Variants in PLCE1 observed in about 807,000 individuals in gnomAD.
PLCE1 encodes the protein phospholipase C epsilon 1, also known as 1-phosphatidylinositol 4,5-bisphosphate phosphodiesterase epsilon-1.
In PLCE1, 119 loss-of-function variants were observed where a neutral mutation model predicts 242.8. The observed-to-expected ratio is 0.49, with a 90% CI of 0.42 to 0.57. The LOEUF (loss-of-function observed/expected upper bound fraction) is 0.57. Ranked by LOEUF, PLCE1 falls within the 20% of genes least tolerant of loss-of-function variation. The pLI is 0.00. For missense variants in PLCE1, 2,441 were observed against 2,788.8 expected, an observed-to-expected ratio of 0.88 and a Z score of 2.81; for synonymous variants, 945 against 1,017.4, an observed-to-expected ratio of 0.93 and a Z score of 1.35.
rs535093329 is a variant in PLCE1 at position 94,306,965 on chromosome 10, C to T, written c.5884+277C>T. On this transcript the variant is annotated intron_variant, in intron 26 of 32. Transcript: ENST00000371380. The surrounding 1 kb of genome is among the most constrained non-coding windows in gnomAD (Gnocchi z 5.7). ...CAGGAGCAGTGGTTGTTGCTACCCACGGCACTGCTGGCAGTTTGAAAGCAG... is the reference window on the plus strand; with the variant it reads ...CAGGAGCAGTGGTTGTTGCTACCCATGGCACTGCTGGCAGTTTGAAAGCAG... 3.8e-4 allele frequency among the ~76,000 whole-genome samples: 58 copies of T among 152,288 alleles called. No homozygotes were observed. The highest frequency in any genetic ancestry group is 1.3e-3 in the African/African-American group (54 of 41,570).
In PLCE1 at chr10:94,306,356, A is replaced by G. The variant is rs185979763; in HGVS notation, c.5623-71A>G. 1.1e-3 allele frequency: 1,822 copies of G among 1,612,826 alleles called. 3 individuals are homozygous for G. Among genetic ancestry groups the G allele is most frequent in the Non-Finnish European group, 1.4e-3 (1,630 of 1,179,086 alleles). The stretch of plus-strand genomic sequence containing the variant: ...TTGGGATTCCTTTGCAGAGGGAAGC[A>G]GTGAGGTGCAGAGGTTGTCTTTCTT... On this transcript the variant is annotated intron_variant, in intron 25 of 32. Transcript: ENST00000371380. This position sits in a 1 kb window ranked among gnomAD's most constrained non-coding sequence, Gnocchi z 5.7.
rs751630029 is a variant in PLCE1 at position 94,324,544 on chromosome 10, C to G, written c.6697C>G (p.Leu2233Val). Residue 2233 changes from leucine (L) to valine (V), a missense_variant, in exon 31 of 33, where the codon CTT (leucine) becomes GTT (valine). Coordinates refer to ENST00000371380, the MANE Select transcript of PLCE1 (RefSeq NM_016341.4). ...SKWKGAGKFI[L>V]KLKEQVQASR... ...GTGGAAAGGTGCAGGAAAATTCATCCTTAAGCTAAAGGAGCAGGTGCAGGT... is the reference window on the plus strand; with the variant it reads ...GTGGAAAGGTGCAGGAAAATTCATCGTTAAGCTAAAGGAGCAGGTGCAGGT... 2 of 1,613,964 alleles carry G rather than the reference C, an allele frequency of 1.2e-6. No individual in the cohort carries two copies. Among genetic ancestry groups the G allele is most frequent in the Non-Finnish European group, 1.7e-6 (2 of 1,179,816 alleles).
intron 1 of PLCE1, among the ~76,000 whole-genome samples, chr10:94,004,729 G>A (rs2061001595): frequency 6.6e-6 from 1 of 152,088 alleles, no homozygotes; most frequent in Admixed American, 6.5e-5. Flanking sequence ...GATCCACTCA[G>A]CAGTTATTTT....
intron 32 of PLCE1, 117 bp downstream of exon 32, chr10:94,325,221 C>G (rs1035746699): frequency 1.8e-5 from 14 of 781,596 alleles, no homozygotes; most frequent in African/African-American, 5.1e-5. Flanking sequence ...CCCTTGAAGG[C>G]AGGTAGGAAT....
intron 8 of PLCE1, among the ~76,000 whole-genome samples, chr10:94,251,153 G>A (rs1290878047): frequency 6.6e-6 from 1 of 152,120 alleles, no homozygotes; most frequent in Non-Finnish European, 1.5e-5. Context: ...TAAAATCGGG[G>A]TATGGTTAGA....
Position 94,029,070 on chromosome 10 carries a change from G to A in PLCE1, c.-364-1613G>A, listed in dbSNP as rs149375310. Among the ~76,000 whole-genome samples the A allele has an allele frequency of 3.7e-3, 568 of 152,140 alleles. 2 individuals carry two copies. The highest frequency in any genetic ancestry group is 0.013 in the African/African-American group (536 of 41,494). On this transcript the variant is annotated intron_variant, in intron 1 of 32. Transcript: ENST00000371380. Reference sequence around the variant, plus strand: ...GATTGTGCCATTGCACTTCAGCCTGGTAACAGAATGGGACTCTGTCTCAAA... The same window carrying A: ...GATTGTGCCATTGCACTTCAGCCTGATAACAGAATGGGACTCTGTCTCAAA...
intron 2 of PLCE1, among the ~76,000 whole-genome samples, chr10:94,106,407 T>A (rs2045735822): frequency 6.6e-6 from 1 of 152,234 alleles, no homozygotes; most frequent in African/African-American, 2.4e-5. Context: ...TATACTCTTG[T>A]ATGGATACAC....
intron 2 of PLCE1, chr10:94,088,945 C>T: frequency 1.4e-6 from 1 of 705,640 alleles, no homozygotes; most frequent in Non-Finnish European, 2.2e-6. Context: ...GAGGTTTTTG[C>T]AATGCCCTGA....
chr10:94,228,949 A>G (rs1289003330), intron 5 of PLCE1, among the ~76,000 whole-genome samples: 1 of 152,198 alleles, frequency 6.6e-6, no homozygotes, highest in Admixed American at 6.5e-5. Flanking sequence ...TGGGAGGCCA[A>G]GGTGGGTAGA....
rs148239915 is a variant in PLCE1 at position 94,298,373 on chromosome 10, G to C, written c.5168-6G>C. On this transcript the variant is annotated splice_polypyrimidine_tract_variant and splice_region_variant and intron_variant, in intron 23 of 32. Coordinates refer to ENST00000371380, the MANE Select transcript of PLCE1 (RefSeq NM_016341.4). The surrounding 1 kb of genome is among the most constrained non-coding windows in gnomAD (Gnocchi z 5.2). ...TAATCTGCGGCTAATTTCTTGGGGGGTTTAGGTTCCTGTGAAGGCATTCGA... is the reference window on the plus strand; with the variant it reads ...TAATCTGCGGCTAATTTCTTGGGGGCTTTAGGTTCCTGTGAAGGCATTCGA... 261 of 1,613,874 alleles carry C rather than the reference G, an allele frequency of 1.6e-4. 2 individuals carry two copies. The South Asian group carries it at 2.6e-3, about 16-fold the overall frequency.
intron 4 of PLCE1, among the ~76,000 whole-genome samples, chr10:94,189,004 A>C (rs1413820236): frequency 6.6e-6 from 1 of 150,716 alleles, no homozygotes; most frequent in Non-Finnish European, 1.5e-5. Context: ...AAAGTAAAAA[A>C]AAAAAAAAAA....
At chr10:94,154,681 A>C (rs560388880) in intron 3 of PLCE1, among the ~76,000 whole-genome samples, 1 of 152,154 alleles carries the variant, frequency 6.6e-6, no homozygotes, top group South Asian at 2.1e-4. Flanking sequence ...AAATGTGCAA[A>C]TGGCCAATAA....
At chr10:94,099,156 G>A (rs1177602120) in intron 2 of PLCE1, among the ~76,000 whole-genome samples, 7 of 152,232 alleles carry the variant, frequency 4.6e-5, no homozygotes, top group Non-Finnish European at 4.4e-5. Flanking sequence ...ACAGCTGGGT[G>A]TTGGTGAACA....
chr10:94,075,757 C>T (rs1051923303), intron 2 of PLCE1, among the ~76,000 whole-genome samples: 9 of 152,192 alleles, frequency 5.9e-5, no homozygotes, highest in South Asian at 2.1e-4. Flanking sequence ...TTGGGGAGAC[C>T]TGCAGCATGA....
rs2046617013 is a variant in PLCE1, at chr10:94,132,180, A to G, written c.1213A>G (p.Asn405Asp). The G allele has an allele frequency of 6.2e-7, 1 of 1,613,982 alleles. No individual in the cohort carries two copies. Among genetic ancestry groups the G allele is most frequent in the Non-Finnish European group, 8.5e-7 (1 of 1,179,838 alleles). Residue 405 changes from asparagine to aspartate, a missense_variant, in exon 3 of 33, where the codon AAT becomes GAT. Physicochemically the swap from Asn to Asp is conservative, Grantham distance 23. This residue lies in a region of PLCE1 where 733 missense variants were observed against 754.2 expected (regional missense o/e 0.97). Transcript: ENST00000371380. ...LSEAQWYPIYNAVRREETENT... is the reference protein window; with the variant it reads ...LSEAQWYPIYDAVRREETENT... The stretch of plus-strand genomic sequence containing the variant: ...TACTTTGTGCTATTCACAGATCTAC[A>G]ATGCAGTGAGAAGAGAAGAAACAGA...
intron 3 of PLCE1, among the ~76,000 whole-genome samples, chr10:94,170,381 G>A (rs2047934987): frequency 6.6e-6 from 1 of 152,164 alleles, no homozygotes; most frequent in African/African-American, 2.4e-5. Context: ...CTGGGACAGT[G>A]TCAAAATAAA....
At chr10:94,074,172 T>C (rs2044436191) in intron 2 of PLCE1, among the ~76,000 whole-genome samples, 1 of 151,070 alleles carries the variant, frequency 6.6e-6, no homozygotes, top group African/African-American at 2.4e-5. Flanking sequence ...TCATAATGTA[T>C]CATACCAAGC....
At chr10:94,244,065 TC>T (rs1172849815) in intron 7 of PLCE1, among the ~76,000 whole-genome samples, 1 of 152,226 alleles carries the variant, frequency 6.6e-6, no homozygotes, top group Non-Finnish European at 1.5e-5. Context: ...AAATGGATTT[TC>T]TCACCGTCAG....
intron 2 of PLCE1, among the ~76,000 whole-genome samples, chr10:94,114,257 C>T (rs1041919087): frequency 1.3e-5 from 2 of 152,204 alleles, no homozygotes; most frequent in African/African-American, 4.8e-5. Context: ...CTGACCTCCT[C>T]ACTTCCCCCA....
Sources: gnomAD v4.1 joint callset for allele counts (sites outside exome capture counted in the v4.1 genomes callset) on GRCh38, gnomAD v4.1.1 for gene constraint, gnomAD v4.1.1 regional missense constraint, Gnocchi (gnomAD v3.1) non-coding constraint, MANE v1.5 for transcripts, NCBI Gene and HGNC (gene_info 2026-07-23, HGNC 2026-07-21) for gene names.